DMD: variants seen among roughly 807,000 people sequenced by gnomAD.
DMD encodes dystrophin.
A neutral mutation model predicts 330.1 loss-of-function variants in DMD; 63 were observed. The observed-to-expected ratio is 0.19, with a 90% CI of 0.16 to 0.24. The LOEUF (loss-of-function observed/expected upper bound fraction) is 0.24. Among genes scored for constraint, DMD ranks in the 10% least tolerant of loss-of-function variants. The pLI is 1.00. For missense variants in DMD, 3,344 were observed against 2,684.1 expected, an observed-to-expected ratio of 1.25 and a Z score of -5.43; for synonymous variants, 1,223 against 959.8, an observed-to-expected ratio of 1.27 and a Z score of -5.07.
intron 2 of DMD, among the ~76,000 whole-genome samples, chrX:33,008,939 C>T (rs1422594986): frequency 1.1e-5 from 1 of 93,689 alleles, no homozygotes; most frequent in Non-Finnish European, 2.1e-5. Flanking sequence ...TATATATACA[C>T]ACGTATATAT....
At chrX:32,381,062 A>G (rs773915929) in intron 33 of DMD, among the ~76,000 whole-genome samples, 1 of 111,862 alleles carries the variant, frequency 8.9e-6, no homozygotes, top group South Asian at 3.7e-4. Flanking sequence ...AAGGTTTACA[A>G]TCCTCTATAT....
intron 41 of DMD, among the ~76,000 whole-genome samples, chrX:32,326,076 T>C (rs1233040443): frequency 8.9e-6 from 1 of 112,033 alleles, no homozygotes; most frequent in South Asian, 3.7e-4. Flanking sequence ...GCTGAAAAGT[T>C]TTCCTCTTTG....
chrX:32,093,805 T>C (rs1396715497), intron 44 of DMD, among the ~76,000 whole-genome samples: 2 of 111,298 alleles, frequency 1.8e-5, no homozygotes, highest in Non-Finnish European at 3.8e-5. Flanking sequence ...TTAAATTCTC[T>C]ATATTTCACA....
intron 5 of DMD, among the ~76,000 whole-genome samples, chrX:32,818,939 T>C (rs1312505930): frequency 2.7e-5 from 3 of 109,183 alleles, no homozygotes; most frequent in East Asian, 5.7e-4. Flanking sequence ...AAGCGTGTCA[T>C]AGGGTCTACG....
intron 18 of DMD, 42 bp downstream of exon 18, chrX:32,517,966 G>A: frequency 8.4e-7 from 1 of 1,193,245 alleles, no homozygotes; most frequent in Non-Finnish European, 1.1e-6. Context: ...TTTACAAGCA[G>A]CACAAAATGA....
In DMD at chrX:32,098,068, C is replaced by G. The variant is rs1184700616; in HGVS notation, c.6438+118848G>C. On this transcript the variant is annotated intron_variant, in intron 44 of 78. Transcript: ENST00000357033. Reference sequence around the variant, plus strand: ...TAATAAATTCAGATGCTATGCTCTTCAAGGAAAAAAATCAAAAAGGGGTAT... The same window carrying G: ...TAATAAATTCAGATGCTATGCTCTTGAAGGAAAAAAATCAAAAAGGGGTAT... 1.2e-4 allele frequency among the ~76,000 whole-genome samples: 13 copies of G among 110,148 alleles called. No individual in the cohort carries two copies. The Admixed American group carries it at 1.3e-3, about 11-fold the overall frequency.
chrX:31,249,243 T>C (rs1356472759), intron 63 of DMD, among the ~76,000 whole-genome samples: 2 of 111,319 alleles, frequency 1.8e-5, no homozygotes, highest in Non-Finnish European at 3.8e-5. Flanking sequence ...ATTTATTAGA[T>C]ATTTATGCTC....
At chrX:31,813,038 G>A (rs905833570) in intron 50 of DMD, among the ~76,000 whole-genome samples, 1 of 112,063 alleles carries the variant, frequency 8.9e-6, no homozygotes, top group African/African-American at 3.2e-5. Context: ...ATATATATCT[G>A]TCAGTTGTAT....
chrX:32,374,023 T>G (rs2147371678), intron 34 of DMD, among the ~76,000 whole-genome samples: 1 of 112,071 alleles, frequency 8.9e-6, no homozygotes, highest in Non-Finnish European at 1.9e-5. Context: ...GGTATCTTAT[T>G]TAGGGTTTAA....
At chrX:33,254,745 G>A (rs1293481253) in intron 1 of DMD, among the ~76,000 whole-genome samples, 2 of 110,258 alleles carry the variant, frequency 1.8e-5, no homozygotes, top group African/African-American at 6.5e-5. Context: ...CCCAAAATTT[G>A]GACAAGATTG....
intron 2 of DMD, among the ~76,000 whole-genome samples, chrX:32,925,174 T>TA (rs1557145819): frequency 1.3e-5 from 1 of 77,619 alleles, no homozygotes; most frequent in East Asian, 3.5e-4. Context: ...TTTTTTTTTT[T>TA]AGAAAAATAA....
intron 5 of DMD, among the ~76,000 whole-genome samples, chrX:32,821,361 G>A (rs1038895780): frequency 1.8e-5 from 2 of 110,473 alleles, no homozygotes; most frequent in African/African-American, 3.3e-5. Flanking sequence ...GAGGCAGGAG[G>A]ATCACGAGGT....
At chrX:32,248,290 G>A (rs1467426901) in intron 43 of DMD, among the ~76,000 whole-genome samples, 1 of 111,105 alleles carries the variant, frequency 9.0e-6, no homozygotes, top group East Asian at 2.8e-4. Flanking sequence ...TCATATTTGT[G>A]GTAGAGGAGA....
At chrX:32,333,640 A>G (rs994511273) in intron 41 of DMD, among the ~76,000 whole-genome samples, 8 of 110,833 alleles carry the variant, frequency 7.2e-5, no homozygotes, top group African/African-American at 2.6e-4. Context: ...TGGAATTTCT[A>G]TTAAGTTTTG....
intron 9 of DMD, among the ~76,000 whole-genome samples, chrX:32,695,439 T>C (rs954541828): frequency 2.7e-5 from 3 of 111,766 alleles, no homozygotes; most frequent in South Asian, 3.7e-4. Context: ...AGCATAAAAA[T>C]ATAAAATATT....
intron 11 of DMD, among the ~76,000 whole-genome samples, chrX:32,629,496 A>T (rs1434463645): frequency 1.8e-5 from 2 of 111,222 alleles, no homozygotes; most frequent in Non-Finnish European, 3.8e-5. Context: ...TTTAGATTGG[A>T]TAGTTTAGTC....
intron 2 of DMD, among the ~76,000 whole-genome samples, chrX:32,871,705 A>G (rs991111054): frequency 3.6e-5 from 4 of 111,891 alleles, no homozygotes; most frequent in Admixed American, 9.5e-5. Flanking sequence ...GAACAAGAAC[A>G]GTATTGTAAT....
At chrX:32,368,686 T>A (rs780288628) in intron 34 of DMD, among the ~76,000 whole-genome samples, 1 of 111,235 alleles carries the variant, frequency 9.0e-6, no homozygotes, top group South Asian at 3.8e-4. Context: ...GAGCTCCTTA[T>A]TTATAGGGTT....
intron 7 of DMD, among the ~76,000 whole-genome samples, chrX:32,720,298 T>C (rs764245267): frequency 4.5e-5 from 5 of 111,683 alleles, no homozygotes; most frequent in African/African-American, 1.3e-4. Flanking sequence ...TGGCTCATTT[T>C]GCACCCATTA....
Sources: gnomAD v4.1 joint callset for allele counts (sites outside exome capture counted in the v4.1 genomes callset) on GRCh38, gnomAD v4.1.1 for gene constraint, MANE v1.5 for transcripts, NCBI Gene and HGNC (gene_info 2026-07-23, HGNC 2026-07-21) for gene names.